Variants in EPHA3 observed in about 807,000 individuals in gnomAD.
EPHA3 encodes the protein EPH receptor A3.
In EPHA3, 42 loss-of-function variants were observed where a neutral mutation model predicts 107.1. The ratio of observed to expected loss-of-function variants is 0.39; its 90% CI spans 0.31 to 0.51. The LOEUF (loss-of-function observed/expected upper bound fraction) is 0.51. Ranked by LOEUF, EPHA3 falls within the 20% of genes least tolerant of loss-of-function variation. EPHA3 has a pLI of 0.78. For synonymous variants in EPHA3, 461 were observed against 424.8 expected, an observed-to-expected ratio of 1.09 and a Z score of -1.05; for missense variants, 1,183 against 1,211.2, an observed-to-expected ratio of 0.98 and a Z score of 0.35.
At chr3:89,327,916 G>A (rs1707203013) in intron 3 of EPHA3, among the ~76,000 whole-genome samples, 1 of 151,918 alleles carries the variant, frequency 6.6e-6, no homozygotes, top group African/African-American at 2.4e-5. Flanking sequence ...TGGCCAACAT[G>A]GTGGAACCCC....
In EPHA3 at chr3:89,227,006, A is replaced by C. The variant is rs143304647; in HGVS notation, c.814+16486A>C. 8.6e-3 allele frequency among the ~76,000 whole-genome samples: 1,308 copies of C among 152,152 alleles called. 16 individuals are homozygous for C. The highest frequency in any genetic ancestry group is 0.03 in the African/African-American group (1,246 of 41,538). On this transcript the variant is annotated intron_variant, in intron 3 of 16. Transcript: ENST00000336596. ...AGACATTTTGAGGCAGACAGAGAGC[A>C]CATACACCTTACACAATAAATTTGG...
chr3:89,142,415 C>T (rs565100235), intron 2 of EPHA3, among the ~76,000 whole-genome samples: 1 of 151,330 alleles, frequency 6.6e-6, no homozygotes. Context: ...AGCATGAAAC[C>T]TCTCAAGGCA....
intron 2 of EPHA3, among the ~76,000 whole-genome samples, chr3:89,193,354 G>T (rs1705762777): frequency 6.6e-6 from 1 of 151,948 alleles, no homozygotes; most frequent in African/African-American, 2.4e-5. Flanking sequence ...AGCGGCCTTG[G>T]CATTACCATG....
intron 3 of EPHA3, among the ~76,000 whole-genome samples, chr3:89,329,335 A>T (rs1352827338): frequency 6.6e-6 from 1 of 152,054 alleles, no homozygotes; most frequent in Admixed American, 6.6e-5. Flanking sequence ...CAGATGGCCA[A>T]GTCTGAGGTT....
chr3:89,391,192 G>T (rs1372989138), intron 5 of EPHA3, among the ~76,000 whole-genome samples: 3 of 152,016 alleles, frequency 2.0e-5, no homozygotes, highest in African/African-American at 7.2e-5. Flanking sequence ...TTTGAAAGAA[G>T]AATAGATTGA....
intron 3 of EPHA3, among the ~76,000 whole-genome samples, chr3:89,295,588 C>CT (rs1199119777): frequency 2.0e-5 from 3 of 151,916 alleles, no homozygotes; most frequent in South Asian, 2.1e-4. Context: ...TTATTATTTC[C>CT]TTTTTTTCCT....
At chr3:89,390,699 C>T (rs1332788333) in intron 5 of EPHA3, among the ~76,000 whole-genome samples, 3 of 151,782 alleles carry the variant, frequency 2.0e-5, no homozygotes, top group Non-Finnish European at 4.4e-5. Flanking sequence ...ATTGCAGTGG[C>T]CTGGACTTAG....
At chr3:89,213,352 A>C (rs1308360826) in intron 3 of EPHA3, among the ~76,000 whole-genome samples, 1 of 152,010 alleles carries the variant, frequency 6.6e-6, no homozygotes, top group African/African-American at 2.4e-5. Flanking sequence ...TTACTGTGAG[A>C]TTTCTATATT....
In EPHA3 at chr3:89,189,377, G is replaced by A. The variant is rs186422073; in HGVS notation, c.154-20483G>A. 2.5e-3 allele frequency among the ~76,000 whole-genome samples: 380 copies of A among 152,010 alleles called. 2 individuals carry two copies. The highest frequency in any genetic ancestry group is 4.2e-3 in the Non-Finnish European group (283 of 67,950). Reference sequence around the variant, plus strand: ...TGGGAGGCCAAGGCAGGGGGATCACGAGGTCAAGAGATTGAGACCATCCTG... The same window carrying A: ...TGGGAGGCCAAGGCAGGGGGATCACAAGGTCAAGAGATTGAGACCATCCTG... On this transcript the variant is annotated intron_variant, in intron 2 of 16. Transcript: ENST00000336596.
chr3:89,398,513 T>C (rs923740746), intron 6 of EPHA3, among the ~76,000 whole-genome samples: 2 of 152,184 alleles, frequency 1.3e-5, no homozygotes, highest in Non-Finnish European at 2.9e-5. Context: ...ACAGCACAAA[T>C]ACAGTTAAGC....
Position 89,424,483 on chromosome 3 carries a change from G to GTTA in EPHA3, c.2075-4614_2075-4612dup, listed in dbSNP as rs898194854. Among the ~76,000 whole-genome samples, 45 of 150,992 alleles carry GTTA rather than the reference G, an allele frequency of 3.0e-4. 1 individual carries two copies. The highest frequency in any genetic ancestry group is 1.1e-3 in the African/African-American group (44 of 41,348). On this transcript the variant is annotated intron_variant, in intron 11 of 16. Coordinates refer to ENST00000336596, the MANE Select transcript of EPHA3 (RefSeq NM_005233.6). Reference sequence around the variant, plus strand: ...TTCGAGAGAAAACAAAAAGCCTGTTGTTATTATTATTTCAATTCAATATTG... The same window carrying GTTA: ...TTCGAGAGAAAACAAAAAGCCTGTTGTTATTATTATTATTTCAATTCAATATTG...
intron 3 of EPHA3, among the ~76,000 whole-genome samples, chr3:89,221,465 A>G (rs1704373344): frequency 6.6e-6 from 1 of 152,142 alleles, no homozygotes. Context: ...CTAAATAGTA[A>G]ACTCACTGTT....
intron 3 of EPHA3, among the ~76,000 whole-genome samples, chr3:89,220,932 T>G (rs1704358413): frequency 6.6e-6 from 1 of 152,204 alleles, no homozygotes; most frequent in Non-Finnish European, 1.5e-5. Flanking sequence ...TTTAATCCTC[T>G]CAACAACATA....
intron 3 of EPHA3, among the ~76,000 whole-genome samples, chr3:89,231,495 A>G (rs551189802): frequency 2.0e-5 from 3 of 152,198 alleles, no homozygotes; most frequent in African/African-American, 7.2e-5. Context: ...TCCCTCATCT[A>G]GCTCCTAATT....
chr3:89,283,321 G>C (rs1312497085), intron 3 of EPHA3, among the ~76,000 whole-genome samples: 1 of 152,054 alleles, frequency 6.6e-6, no homozygotes, highest in African/African-American at 2.4e-5. Flanking sequence ...AAAACATAAT[G>C]TTTCATTCTT....
chr3:89,223,216 T>G (rs1414645086), intron 3 of EPHA3, among the ~76,000 whole-genome samples: 1 of 152,126 alleles, frequency 6.6e-6, no homozygotes, highest in Non-Finnish European at 1.5e-5. Flanking sequence ...TCCCAGTAAA[T>G]CAAAATCTCT....
chr3:89,197,559 T>A (rs1350890659), intron 2 of EPHA3, among the ~76,000 whole-genome samples: 1 of 152,034 alleles, frequency 6.6e-6, no homozygotes, highest in Admixed American at 6.6e-5. Flanking sequence ...AGAAGTGAAG[T>A]CAAGTGTCTA....
intron 15 of EPHA3, among the ~76,000 whole-genome samples, chr3:89,459,712 G>T (rs1710182725): frequency 6.6e-6 from 1 of 152,058 alleles, no homozygotes; most frequent in African/African-American, 2.4e-5. Flanking sequence ...TAGTGGAGAT[G>T]GGGTTTCACC....
At chr3:89,407,162 T>G (rs1323830465) in intron 7 of EPHA3, 107 bp from the exon 8 acceptor site, 4 of 734,948 alleles carry the variant, frequency 5.4e-6, no homozygotes, top group Non-Finnish European at 9.2e-6. Context: ...ATACTTCAGG[T>G]AAAAGTAGAA....
Sources: allele counts gnomAD v4.1 joint callset (sites outside exome capture counted in the v4.1 genomes callset), GRCh38; gene constraint gnomAD v4.1.1; transcripts MANE v1.5; gene names NCBI Gene and HGNC (gene_info 2026-07-23, HGNC 2026-07-21).